Variants in CSMD1 observed in about 807,000 individuals in gnomAD.
CSMD1 encodes CUB and sushi domain-containing protein 1.
Under a neutral mutation model 417.5 loss-of-function variants are expected in CSMD1, and 213 were observed. The ratio of observed to expected loss-of-function variants is 0.51; its 90% CI spans 0.46 to 0.57. The LOEUF (loss-of-function observed/expected upper bound fraction) is 0.57, where lower values mean the gene tolerates loss of function less well. CSMD1 is among the 20% of genes least tolerant of loss of function. The probability of loss-of-function intolerance (pLI) is 0.00; values close to 1 mark genes in which losing one functional copy is unlikely to be tolerated. For missense variants in CSMD1, 6,923 were observed against 4,529.7 expected, an observed-to-expected ratio of 1.53 and a Z score of -15.17; for synonymous variants, 2,862 against 1,736.8, an observed-to-expected ratio of 1.65 and a Z score of -16.11.
intron 7 of CSMD1, among the ~76,000 whole-genome samples, chr8:3,674,780 A>C (rs1239370342): frequency 6.6e-6 from 1 of 152,158 alleles, no homozygotes; most frequent in Non-Finnish European, 1.5e-5. Flanking sequence ...AGGTAACTAT[A>C]GTTTTCAAAG....
At chr8:3,712,593 T>C (rs12679627) in intron 6 of CSMD1, among the ~76,000 whole-genome samples, 91,986 of 152,040 alleles carry the variant, frequency 0.61, 28,027 homozygotes, top group Admixed American at 0.65. Context: ...TATTTCGTGA[T>C]TGATGACAAA....
intron 2 of CSMD1, among the ~76,000 whole-genome samples, chr8:4,593,251 G>A (rs1800079229): frequency 6.6e-6 from 1 of 152,170 alleles, no homozygotes; most frequent in Non-Finnish European, 1.5e-5. Context: ...AATTTCCGCA[G>A]GAACATGAGC....
At chr8:2,966,434 G>T in intron 58 of CSMD1, 136 bp downstream of exon 58, 1 of 768,944 alleles carries the variant, frequency 1.3e-6, no homozygotes, top group Non-Finnish European at 2.0e-6. Context: ...CAGCCACAAT[G>T]TCACACATAG....
rs113761608 is a variant in CSMD1 at position 3,208,220 on chromosome 8, C to CAT, written c.4868-2601_4868-2600insAT. Among the ~76,000 whole-genome samples, 487 of 152,190 alleles carry CAT rather than the reference C, an allele frequency of 3.2e-3. 5 individuals carry two copies. Among genetic ancestry groups the CAT allele is most frequent in the African/African-American group, 0.011 (455 of 41,544 alleles). On this transcript the variant is annotated intron_variant, in intron 30 of 69. Transcript: ENST00000635120. ...AAGAAGTATAAATAAAAAGTGGAAA[C>CAT]GTCATCACTGGGCCAAAATTTTGAT...
At chr8:4,740,049 T>C (rs1007937042) in intron 1 of CSMD1, among the ~76,000 whole-genome samples, 3 of 152,048 alleles carry the variant, frequency 2.0e-5, no homozygotes, top group African/African-American at 7.2e-5. Context: ...GCCACAGCTC[T>C]GGGAATGATC....
chr8:4,479,644 C>G (rs754682313), intron 2 of CSMD1, among the ~76,000 whole-genome samples: 7 of 151,962 alleles, frequency 4.6e-5, no homozygotes, highest in African/African-American at 9.7e-5. Flanking sequence ...GCCTGTAATC[C>G]CAGCACTTTG....
intron 1 of CSMD1, among the ~76,000 whole-genome samples, chr8:4,791,737 A>C (rs989258376): frequency 3.9e-5 from 6 of 152,186 alleles, no homozygotes; most frequent in Admixed American, 3.3e-4. Context: ...TTTCTGACGA[A>C]GAAGTTCAAT....
chr8:4,679,319 C>A (rs1035545836), intron 1 of CSMD1, among the ~76,000 whole-genome samples: 5 of 152,256 alleles, frequency 3.3e-5, no homozygotes, highest in African/African-American at 1.2e-4. Flanking sequence ...GAAGTTGACA[C>A]CTTCTGCCCA....
At chr8:4,410,654 A>T (rs1373018518) in intron 3 of CSMD1, among the ~76,000 whole-genome samples, 3 of 152,236 alleles carry the variant, frequency 2.0e-5, no homozygotes, top group Non-Finnish European at 4.4e-5. Flanking sequence ...AACATGGAGA[A>T]ATTTGCCCCT....
At chr8:4,877,483 G>A (rs1294646525) in intron 1 of CSMD1, among the ~76,000 whole-genome samples, 1 of 152,000 alleles carries the variant, frequency 6.6e-6, no homozygotes, top group Non-Finnish European at 1.5e-5. Context: ...CTATTTCAAA[G>A]TAGCTCCTAA....
intron 10 of CSMD1, among the ~76,000 whole-genome samples, chr8:3,523,136 A>C (rs1381757768): frequency 6.6e-6 from 1 of 152,074 alleles, no homozygotes; most frequent in African/African-American, 2.4e-5. Flanking sequence ...AACACGTAGA[A>C]AATTGTCCTC....
At chr8:4,758,309 T>A (rs1811802937) in intron 1 of CSMD1, among the ~76,000 whole-genome samples, 1 of 152,206 alleles carries the variant, frequency 6.6e-6, no homozygotes, top group South Asian at 2.1e-4. Flanking sequence ...ATGTTATGCT[T>A]AATTCGCTGG....
chr8:3,542,569 G>A (rs951415204), intron 10 of CSMD1, among the ~76,000 whole-genome samples: 6 of 152,144 alleles, frequency 3.9e-5, no homozygotes, highest in African/African-American at 9.7e-5. Flanking sequence ...GTTATAGACA[G>A]GAAAGAGCGT....
intron 6 of CSMD1, among the ~76,000 whole-genome samples, chr8:3,724,251 G>C (rs373899560): frequency 1.3e-5 from 2 of 151,656 alleles, no homozygotes; most frequent in Non-Finnish European, 2.9e-5. Flanking sequence ...ACATTGTGCA[G>C]GTTAGTTACA....
chr8:3,486,241 C>G (rs1212104831), intron 11 of CSMD1, among the ~76,000 whole-genome samples: 1 of 151,056 alleles, frequency 6.6e-6, no homozygotes, highest in Non-Finnish European at 1.5e-5. Flanking sequence ...ATTACCTTCT[C>G]CTTGTACTGT....
intron 5 of CSMD1, among the ~76,000 whole-genome samples, chr8:3,897,067 T>G (rs1431400163): frequency 2.6e-5 from 4 of 152,180 alleles, no homozygotes; most frequent in African/African-American, 7.2e-5. Context: ...ATTATTGTAC[T>G]GGAAGTTTCC....
At chr8:3,205,127 A>G (rs765229022) in intron 31 of CSMD1, among the ~76,000 whole-genome samples, 1 of 152,208 alleles carries the variant, frequency 6.6e-6, no homozygotes, top group Non-Finnish European at 1.5e-5. Context: ...CACTGAATGT[A>G]TGTGCCATTC....
At chr8:4,118,132 C>G (rs188363353) in intron 3 of CSMD1, among the ~76,000 whole-genome samples, 10 of 151,996 alleles carry the variant, frequency 6.6e-5, no homozygotes, top group African/African-American at 2.4e-4. Context: ...AGTGAGGAAA[C>G]GGCCCTTGGC....
chr8:3,267,095 G>A (rs1162287022), intron 26 of CSMD1, among the ~76,000 whole-genome samples: 1 of 150,878 alleles, frequency 6.6e-6, no homozygotes, highest in Non-Finnish European at 1.5e-5. Flanking sequence ...AGGGAAGGGT[G>A]AAAATCAGGA....
Sources: allele counts gnomAD v4.1 joint callset (sites outside exome capture counted in the v4.1 genomes callset), GRCh38; gene constraint gnomAD v4.1.1; transcripts MANE v1.5; gene names NCBI Gene and HGNC (gene_info 2026-07-23, HGNC 2026-07-21).